ITGAV: variants seen among roughly 807,000 people sequenced by gnomAD.
ITGAV encodes integrin alpha-V.
ITGAV carries 76 observed loss-of-function variants against 143.8 expected under a neutral mutation model. The observed-to-expected ratio is 0.53, with a 90% CI of 0.44 to 0.64. The LOEUF (loss-of-function observed/expected upper bound fraction) is 0.64, where lower values mean the gene tolerates loss of function less well. Among genes scored for constraint, ITGAV ranks in the 30% least tolerant of loss-of-function variants. The probability of loss-of-function intolerance (pLI) is 0.00; values close to 1 mark genes in which losing one functional copy is unlikely to be tolerated. For synonymous variants in ITGAV, 453 were observed against 446.7 expected (o/e 1.01, Z -0.18); for missense variants, 1,193 against 1,274.7 (o/e 0.94, Z 0.98).
intron 12 of ITGAV, among the ~76,000 whole-genome samples, chr2:186,646,467 G>A (rs1456488371): frequency 6.6e-6 from 1 of 152,024 alleles, no homozygotes; most frequent in African/African-American, 2.4e-5. Flanking sequence ...TATTGCTTAT[G>A]GATAAAGAGT....
intron 1 of ITGAV, among the ~76,000 whole-genome samples, chr2:186,596,720 ATT>A (rs1348706725): frequency 6.6e-6 from 1 of 151,842 alleles, no homozygotes; most frequent in Non-Finnish European, 1.5e-5. Flanking sequence ...TTATTCCTTA[ATT>A]TTTTTATATA....
Position 186,625,520 on chromosome 2 carries a change from A to G in ITGAV, c.456A>G (p.Arg152=). The G allele has an allele frequency of 6.2e-7, 1 of 1,614,062 alleles. No homozygotes were observed. Among genetic ancestry groups the G allele is most frequent in the Non-Finnish European group, 8.5e-7 (1 of 1,179,976 alleles). ...GGAGAACTGAGATGAAACAGGAGCGAGAGCCTGTTGGAACATGCTTTCTTC... is the reference window on the plus strand; with the variant it reads ...GGAGAACTGAGATGAAACAGGAGCGGGAGCCTGTTGGAACATGCTTTCTTC... ...YHWRTEMKQE[R]EPVGTCFLQD... is the part of the protein sequence containing the mutation. Residue 152 remains arginine (R), a synonymous_variant, in exon 4 of 30, where the codon CGA becomes CGG. Coordinates refer to ENST00000261023, the MANE Select transcript of ITGAV (RefSeq NM_002210.5).
intron 18 of ITGAV, among the ~76,000 whole-genome samples, chr2:186,660,914 C>G (rs557800884): frequency 1.3e-5 from 2 of 152,252 alleles, no homozygotes; most frequent in African/African-American, 4.8e-5. Flanking sequence ...GTGTGTGTGT[C>G]TGTGTCCTAA....
chr2:186,667,197 A>G lies in ITGAV; in HGVS notation c.2294A>G (p.Asp765Gly). 6.2e-7 allele frequency: 1 copy of G among 1,612,232 alleles called. No homozygotes were observed. The highest frequency in any genetic ancestry group is 8.5e-7 in the Non-Finnish European group (1 of 1,178,950). The change falls in exon 23 of 30, where the codon GAT becomes GGT. Residue 765 changes from aspartate to glycine, a missense_variant. Asp to Gly is a moderately conservative substitution (Grantham distance 94). Coordinates refer to ENST00000261023, the MANE Select transcript of ITGAV (RefSeq NM_002210.5). ...KVSPVVSHKV[D>G]LAVLAAVEIR... is the part of the protein sequence containing the mutation. ...AGCCCAGTTGTATCTCACAAAGTTG[A>G]TCTTGCTGTTTTAGCTGCAGTTGAG...
rs200733186 is a variant in ITGAV at position 186,675,833 on chromosome 2, A to G, written c.2834A>G (p.Asn945Ser). ...TETFMNKENQ[N>S]HSYSLKSSAS... ...ATTTCCAAACAGAAAGAAAATCAGA[A>G]TCATTCCTATTCTCTGAAGTCGTCT... Residue 945 changes from asparagine to serine, a missense_variant, in exon 28 of 30, where the codon AAT (asparagine) becomes AGT (serine). By Grantham distance (46) the Asn-to-Ser change is conservative. Coordinates refer to ENST00000261023, the MANE Select transcript of ITGAV (RefSeq NM_002210.5). The G allele has an allele frequency of 6.2e-7, 1 of 1,601,648 alleles. No homozygotes were observed. Among genetic ancestry groups the G allele is most frequent in the East Asian group, 2.2e-5 (1 of 44,798 alleles).
At chr2:186,639,669 C>T (rs1688049348) in intron 10 of ITGAV, among the ~76,000 whole-genome samples, 1 of 152,140 alleles carries the variant, frequency 6.6e-6, no homozygotes, top group Non-Finnish European at 1.5e-5. Flanking sequence ...CATGCTCAAT[C>T]TGTTATTGCA....
chr2:186,590,160 G>A lies in ITGAV; in HGVS notation c.-179G>A. 2.1e-6 allele frequency: 1 copy of A among 466,202 alleles called. No homozygotes were observed. 28.9% of individuals were successfully genotyped at this position (466,202 alleles called of 1,614,324 possible). A position where few individuals can be genotyped will look rare whatever the true frequency, so the allele number is the denominator to read the frequency against. On this transcript the variant is annotated 5_prime_UTR_variant, in exon 1 of 30. Transcript: ENST00000261023. Reference sequence around the variant, plus strand: ...GCGCGCTCTGCGCCCCTCGTCCCTGGCGGTCGCTCCGAAGCTCAGCCCTCT... The same window carrying A: ...GCGCGCTCTGCGCCCCTCGTCCCTGACGGTCGCTCCGAAGCTCAGCCCTCT...
intron 2 of ITGAV, among the ~76,000 whole-genome samples, chr2:186,619,071 A>G (rs1443850935): frequency 2.7e-5 from 4 of 149,780 alleles, no homozygotes; most frequent in Non-Finnish European, 5.9e-5. Flanking sequence ...GTGTATATAT[A>G]TATATGTACA....
intron 2 of ITGAV, among the ~76,000 whole-genome samples, chr2:186,618,906 T>A (rs1391862065): frequency 6.6e-6 from 1 of 152,140 alleles, no homozygotes; most frequent in African/African-American, 2.4e-5. Flanking sequence ...TACTAGGCAT[T>A]TATCCAAAGG....
intron 13 of ITGAV, among the ~76,000 whole-genome samples, chr2:186,648,916 GTA>G (rs563827861): frequency 1.6e-4 from 24 of 147,306 alleles, no homozygotes; most frequent in African/African-American, 3.2e-4. Context: ...TCATTTGTGT[GTA>G]TATATATATA....
chr2:186,666,609 C>T (rs1055398646), intron 21 of ITGAV, 95 bp from the exon 22 acceptor site: 21 of 597,046 alleles, frequency 3.5e-5, no homozygotes, highest in Non-Finnish European at 5.6e-6. Context: ...CAGAAAAACC[C>T]CATTTTAGAA....
chr2:186,663,960 T>G (rs1688818908), intron 19 of ITGAV, 125 bp downstream of exon 19: 2 of 660,356 alleles, frequency 3.0e-6, no homozygotes, highest in South Asian at 3.8e-5. Flanking sequence ...TGATTTTCTA[T>G]AACACTAAAA....
In ITGAV at chr2:186,640,771, GA is replaced by G. The variant is rs771152400; in HGVS notation, c.904-142del. ...TTACCTGATTGTCATTGTGTTGGTA[GA>G]ATAAACAAAAGACAAGACATTTAGA... On this transcript the variant is annotated intron_variant, in intron 10 of 29. Transcript: ENST00000261023. 180 of 641,092 alleles carry G rather than the reference GA, an allele frequency of 2.8e-4. 1 individual carries two copies. Among genetic ancestry groups the G allele is most frequent in the Middle Eastern group, 1.3e-3 (3 of 2,372 alleles). The allele number at this position is 641,092 out of a possible 1,614,324, so 39.7% of individuals were successfully genotyped here. A position where few individuals can be genotyped will look rare whatever the true frequency, so the allele number is the denominator to read the frequency against.
At position 186,668,631 on chromosome 2, in the gene ITGAV, T is replaced by C. The variant is rs1239469121; in HGVS notation, c.2434-131T>C. On this transcript the variant is annotated intron_variant, in intron 24 of 29. Coordinates refer to ENST00000261023, the MANE Select transcript of ITGAV (RefSeq NM_002210.5). ...TGCATAAAAATGGTCACATTGTAAT[T>C]AGAGGTTAACTGTGGAAATTGCTGT... is the stretch of plus-strand genomic sequence containing the variant. 12 of 722,668 alleles carry C rather than the reference T, an allele frequency of 1.7e-5. No individual in the cohort carries two copies. The African/African-American group carries it at 2.0e-4, about 12-fold the overall frequency. The allele number at this position is 722,668 out of a possible 1,614,324, so 44.8% of individuals were successfully genotyped here.
At chr2:186,631,968 A>G (rs1050089865) in intron 5 of ITGAV, among the ~76,000 whole-genome samples, 13 of 152,200 alleles carry the variant, frequency 8.5e-5, no homozygotes, top group Non-Finnish European at 1.9e-4. Flanking sequence ...GTGAGGCTGC[A>G]TTGAGCCATG....
chr2:186,590,531 G>T lies in ITGAV; in HGVS notation c.185+8G>T. 1 of 1,609,476 alleles carries T rather than the reference G, an allele frequency of 6.2e-7. No individual in the cohort carries two copies. Among genetic ancestry groups the T allele is most frequent in the East Asian group, 2.2e-5 (1 of 44,516 alleles). On this transcript the variant is annotated splice_region_variant and intron_variant, in intron 1 of 29. Transcript: ENST00000261023. Reference sequence around the variant, plus strand: ...CGTGCCCAGCGCGTCTTCGTAAGTGGCCGCACTTGGAACTGGAGCCGGCCC... The same window carrying T: ...CGTGCCCAGCGCGTCTTCGTAAGTGTCCGCACTTGGAACTGGAGCCGGCCC...
Position 186,665,134 on chromosome 2 carries a change from A to G in ITGAV, c.2082A>G (p.Ala694=). ...TTTTTGGTCTATCAAAGGCCTTAGC[A>G]AGACTTTCCTGTGCATTTAAGACAG... The part of the protein sequence containing the change: ...IGVVRNNEAL[A]RLSCAFKTEN... Residue 694 remains alanine (A), a synonymous_variant, in exon 21 of 30, where the codon GCA becomes GCG. Transcript: ENST00000261023. 1 of 1,603,958 alleles carries G rather than the reference A, an allele frequency of 6.2e-7. No individual in the cohort carries two copies. The highest frequency in any genetic ancestry group is 8.5e-7 in the Non-Finnish European group (1 of 1,175,256).
chr2:186,603,021 A>T (rs1279154367), intron 2 of ITGAV, among the ~76,000 whole-genome samples: 6 of 152,170 alleles, frequency 3.9e-5, no homozygotes, highest in African/African-American at 1.4e-4. Context: ...TTTCAGTGTC[A>T]GAATTGTGGT....
intron 4 of ITGAV, among the ~76,000 whole-genome samples, chr2:186,629,708 A>G (rs1343501164): frequency 6.6e-6 from 1 of 152,096 alleles, no homozygotes; most frequent in African/African-American, 2.4e-5. Flanking sequence ...TTGTGACTGA[A>G]AACAGATATT....
Sources: allele counts gnomAD v4.1 joint callset (sites outside exome capture counted in the v4.1 genomes callset), GRCh38; gene constraint gnomAD v4.1.1; transcripts MANE v1.5; gene names NCBI Gene and HGNC (gene_info 2026-07-23, HGNC 2026-07-21).